Variants in SQOR observed in about 807,000 individuals in gnomAD.
SQOR encodes sulfide:quinone oxidoreductase, mitochondrial.
A neutral mutation model predicts 48.6 loss-of-function variants in SQOR; 39 were observed. The ratio of observed to expected loss-of-function variants is 0.80; its 90% CI spans 0.62 to 1.05. The LOEUF (loss-of-function observed/expected upper bound fraction) is 1.05. Among genes scored for constraint, SQOR ranks in the 50% least tolerant of loss-of-function variants. The pLI is 0.00. For missense variants in SQOR, 561 were observed against 559.9 expected (o/e 1.00, Z -0.02); for synonymous variants, 220 against 206.2 (o/e 1.07, Z -0.57).
chr15:45,649,124 A>G (rs543555826), intron 1 of SQOR, among the ~76,000 whole-genome samples: 11 of 152,306 alleles, frequency 7.2e-5, no homozygotes, highest in African/African-American at 2.4e-4. Context: ...GTGACATAAG[A>G]TTAGGAAGCT....
chr15:45,680,378 G>A (rs182691727), intron 6 of SQOR, among the ~76,000 whole-genome samples: 2 of 151,774 alleles, frequency 1.3e-5, no homozygotes, highest in Non-Finnish European at 2.9e-5. Flanking sequence ...ACAGGTGTGA[G>A]CCACCACACC....
At chr15:45,669,178 A>AT (rs145149961) in intron 3 of SQOR, among the ~76,000 whole-genome samples, 28,631 of 147,212 alleles carry the variant, frequency 0.19, 3,037 homozygotes, top group East Asian at 0.42. Flanking sequence ...TTTTTTTTTA[A>AT]TTTTTTTTTG....
intron 1 of SQOR, among the ~76,000 whole-genome samples, chr15:45,654,481 C>T (rs981424506): frequency 1.6e-4 from 24 of 152,012 alleles, no homozygotes; most frequent in African/African-American, 5.3e-4. Flanking sequence ...ATACTGAATC[C>T]AGGAATAGGC....
chr15:45,657,299 C>A (rs1400890847), intron 1 of SQOR, among the ~76,000 whole-genome samples: 1 of 150,002 alleles, frequency 6.7e-6, no homozygotes, highest in African/African-American at 2.5e-5. Flanking sequence ...CATAATTAGC[C>A]CTAATCCACA....
In SQOR at chr15:45,676,298, C is replaced by G; in HGVS notation, c.852C>G (p.Thr284=). 6.2e-7 allele frequency: 1 copy of G among 1,613,818 alleles called. No homozygotes were observed. Among genetic ancestry groups the G allele is most frequent in the Non-Finnish European group, 8.5e-7 (1 of 1,179,898 alleles). ...AGAACCTGGACAAACCAGGAGAGAC[C>G]CAAGTGATTTCAGTGAGTGGTGAGG... is the stretch of plus-strand genomic sequence containing the variant. The part of the protein sequence containing the change: ...VFENLDKPGE[T]QVISYEMLHV... Residue 284 remains threonine, a synonymous_variant, in exon 6 of 10, where the codon ACC becomes ACG. Transcript: ENST00000260324.
chr15:45,662,016 C>G lies in SQOR; in HGVS notation c.296C>G (p.Ser99Cys), dbSNP rs199996931. 2.5e-6 allele frequency: 4 copies of G among 1,614,128 alleles called. No individual in the cohort carries two copies. The African/African-American group carries it at 5.3e-5, about 22-fold the overall frequency. ...VGAGAKQLSSSGRPTASVIPS... is the reference protein window; with the variant it reads ...VGAGAKQLSSCGRPTASVIPS... The stretch of plus-strand genomic sequence containing the variant: ...GCTGGTGCCAAACAATTGTCCTCAT[C>G]TGGTCGTCCCACGGCAAGTGTGATT... Residue 99 changes from serine (S) to cysteine (C), a missense_variant, in exon 3 of 10, where the codon TCT becomes TGT. Coordinates refer to ENST00000260324, the MANE Select transcript of SQOR (RefSeq NM_021199.4).
intron 1 of SQOR, chr15:45,645,798 G>A (rs1204343183): frequency 2.0e-5 from 3 of 152,216 alleles, no homozygotes; most frequent in Non-Finnish European, 4.4e-5. Flanking sequence ...ATAGGGAAAT[G>A]ATGATGTTTG....
intron 2 of SQOR, among the ~76,000 whole-genome samples, chr15:45,660,659 A>C (rs1253633419): frequency 6.6e-6 from 1 of 152,200 alleles, no homozygotes; most frequent in Non-Finnish European, 1.5e-5. Flanking sequence ...TGATGTTCAT[A>C]GTCTAAAAAT....
chr15:45,643,555 C>T (rs932735889), intron 1 of SQOR, among the ~76,000 whole-genome samples: 3 of 152,150 alleles, frequency 2.0e-5, no homozygotes, highest in African/African-American at 7.2e-5. Flanking sequence ...AAGTCTATTT[C>T]ACAAAGATAC....
chr15:45,650,265 T>C (rs1889450824), intron 1 of SQOR, among the ~76,000 whole-genome samples: 1 of 152,206 alleles, frequency 6.6e-6, no homozygotes, highest in African/African-American at 2.4e-5. Context: ...GTGTCCGGAA[T>C]TGGTGGGTTC....
At chr15:45,670,807 A>G (rs957985339) in intron 4 of SQOR, among the ~76,000 whole-genome samples, 4 of 152,190 alleles carry the variant, frequency 2.6e-5, no homozygotes, top group Admixed American at 6.5e-5. Flanking sequence ...AGAAGCTACA[A>G]GTTGTTGTGA....
chr15:45,634,199 T>A (rs1040101000), upstream of SQOR, among the ~76,000 whole-genome samples: 60 of 52,538 alleles, frequency 1.1e-3, 1 homozygote, highest in Non-Finnish European at 1.8e-3. Flanking sequence ...CAACAACAAC[T>A]ATATATATAT....
intron 1 of SQOR, among the ~76,000 whole-genome samples, chr15:45,655,008 C>T (rs6493164): frequency 0.24 from 37,042 of 152,054 alleles, 4,831 homozygotes; most frequent in Admixed American, 0.32. Flanking sequence ...AAAATGGAGC[C>T]GCCATCTTGA....
chr15:45,691,138 C>T lies in SQOR; in HGVS notation c.*108C>T, dbSNP rs2140966503. 1 of 970,934 alleles carries T rather than the reference C, an allele frequency of 1.0e-6. No homozygotes were observed. The highest frequency in any genetic ancestry group is 1.7e-6 in the Non-Finnish European group (1 of 596,598). 60.1% of individuals were successfully genotyped at this position (970,934 alleles called of 1,614,324 possible). ...TTGGAACCTATCCTTGTAAAGAGTT[C>T]CTTGATGGGTAATGGTGACCAAATG... On this transcript the variant is annotated 3_prime_UTR_variant, in exon 10 of 10. Coordinates refer to ENST00000260324, the MANE Select transcript of SQOR (RefSeq NM_021199.4).
chr15:45,689,636 T>G (rs1781805617), intron 9 of SQOR, among the ~76,000 whole-genome samples: 1 of 152,002 alleles, frequency 6.6e-6, no homozygotes, highest in Non-Finnish European at 1.5e-5. Context: ...GCCAGGCTGG[T>G]CTCAAACTCC....
Position 45,691,198 on chromosome 15 carries a change from T to A in SQOR, c.*168T>A. On this transcript the variant is annotated 3_prime_UTR_variant, in exon 10 of 10. Coordinates refer to ENST00000260324, the MANE Select transcript of SQOR (RefSeq NM_021199.4). ...TCAGTACCTTTGAACAGCAACCATG[T>A]GGGCTACTCATGATGGGCTTGATTC... 4.7e-6 allele frequency: 3 copies of A among 633,560 alleles called. No homozygotes were observed. The highest frequency in any genetic ancestry group is 8.6e-6 in the Non-Finnish European group (3 of 349,500). 39.2% of individuals were successfully genotyped at this position (633,560 alleles called of 1,614,324 possible).
chr15:45,665,476 A>G (rs889542918), intron 3 of SQOR, among the ~76,000 whole-genome samples: 3 of 152,200 alleles, frequency 2.0e-5, no homozygotes, highest in African/African-American at 7.2e-5. Context: ...TATAAGTTCA[A>G]AGTTTTAACT....
chr15:45,632,184 CCCCCT>C (rs1244747580), upstream of SQOR, among the ~76,000 whole-genome samples: 1 of 119,872 alleles, frequency 8.3e-6, no homozygotes, highest in Admixed American at 8.8e-5. Context: ...ACATTTCCCT[CCCCCT>C]CCCCTCCCCT....
At chr15:45,678,549 C>T (rs977453795) in intron 6 of SQOR, among the ~76,000 whole-genome samples, 2 of 151,704 alleles carry the variant, frequency 1.3e-5, no homozygotes, top group African/African-American at 4.8e-5. Flanking sequence ...GTGACATGCC[C>T]CATCATGTGT....
Sources: gnomAD v4.1 joint callset for allele counts (sites outside exome capture counted in the v4.1 genomes callset) on GRCh38, gnomAD v4.1.1 for gene constraint, MANE v1.5 for transcripts, NCBI Gene and HGNC (gene_info 2026-07-23, HGNC 2026-07-21) for gene names.